The following SV2C variants were observed in gnomAD, a reference collection of about 807,000 sequenced individuals.
SV2C encodes synaptic vesicle glycoprotein 2C, also known as solute carrier family 22 member B3.
SV2C carries 49 observed loss-of-function variants against 79.7 expected under a neutral mutation model. That is an observed-to-expected ratio of 0.61 (90% CI 0.49 to 0.78). SV2C has a LOEUF of 0.78. SV2C is among the 30% of genes least tolerant of loss of function. The probability of loss-of-function intolerance (pLI) is 0.00; values close to 1 mark genes in which losing one functional copy is unlikely to be tolerated. For missense variants in SV2C, 833 were observed against 912.9 expected (o/e 0.91, Z 1.13); for synonymous variants, 334 against 333.2 (o/e 1.00, Z -0.03).
chr5:76,276,239 A>G (rs930703887), intron 4 of SV2C, among the ~76,000 whole-genome samples: 2 of 152,300 alleles, frequency 1.3e-5, no homozygotes, highest in African/African-American at 4.8e-5. Context: ...TCTTATATCT[A>G]TGTTTAACCC....
intron 4 of SV2C, among the ~76,000 whole-genome samples, chr5:76,248,535 A>C (rs1395093764): frequency 6.6e-6 from 1 of 152,164 alleles, no homozygotes; most frequent in Non-Finnish European, 1.5e-5. Context: ...TTAGGGCTTC[A>C]ATATATAAAT....
chr5:76,011,618 TG>T, the SV2C span, among the ~76,000 whole-genome samples: 16 of 152,290 alleles, frequency 1.1e-4, no homozygotes, highest in South Asian at 1.4e-3. Flanking sequence ...TTTTTATTTA[TG>T]TTTTTTTAAT....
chr5:75,925,108 C>T, the SV2C span, among the ~76,000 whole-genome samples: 31,765 of 151,998 alleles, frequency 0.21, 3,363 homozygotes, highest in East Asian at 0.24. Flanking sequence ...TACCTCTTTC[C>T]TATGTTATAT....
At chr5:76,110,327 G>A (rs1341469693) in intron 1 of SV2C, among the ~76,000 whole-genome samples, 5 of 152,200 alleles carry the variant, frequency 3.3e-5, no homozygotes, top group Non-Finnish European at 7.3e-5. Context: ...TCGTTGGGAA[G>A]TGGATGGCTT....
At chr5:76,087,709 G>C (rs1393402959) in intron 1 of SV2C, among the ~76,000 whole-genome samples, 7 of 152,154 alleles carry the variant, frequency 4.6e-5, no homozygotes, top group Admixed American at 1.3e-4. Context: ...ATTTGAACTA[G>C]TACTAGATAG....
the SV2C span, chr5:75,921,472 C>G: frequency 1.1e-5 from 9 of 795,218 alleles, no homozygotes; most frequent in Non-Finnish European, 2.1e-5. Context: ...ATAAGGCAGT[C>G]GGTCTCTGGG....
intron 12 of SV2C, among the ~76,000 whole-genome samples, chr5:76,307,158 T>A (rs1299274188): frequency 6.6e-6 from 1 of 152,232 alleles, no homozygotes; most frequent in Non-Finnish European, 1.5e-5. Flanking sequence ...TTTATGAGGT[T>A]TTCAGCCATT....
At position 76,131,638 on chromosome 5, in the gene SV2C, C is replaced by T. The variant is rs975068570; in HGVS notation, c.-101-12C>T. The T allele has an allele frequency of 5.5e-6, 4 of 732,626 alleles. No homozygotes were observed. The highest frequency in any genetic ancestry group is 1.8e-5 in the African/African-American group (1 of 56,404). 45.4% of individuals were successfully genotyped at this position (732,626 alleles called of 1,614,324 possible). A position where few individuals can be genotyped will look rare whatever the true frequency, so the allele number is the denominator to read the frequency against. ...GGAATAATAAGTATCTCCTCTATTT[C>T]TTCTTTCGCAGTTCTGTTTTGAACC... On this transcript the variant is annotated splice_polypyrimidine_tract_variant and intron_variant, in intron 1 of 12. Coordinates refer to ENST00000502798, the MANE Select transcript of SV2C (RefSeq NM_014979.4).
intron 12 of SV2C, chr5:76,311,374 A>G (rs532224974): frequency 6.6e-6 from 1 of 152,404 alleles, no homozygotes; most frequent in Admixed American, 6.5e-5. Flanking sequence ...GAAGCCAGGA[A>G]TACTTGTACT....
At chr5:75,901,503 G>A in the SV2C span, among the ~76,000 whole-genome samples, 15 of 152,218 alleles carry the variant, frequency 9.9e-5, no homozygotes, top group South Asian at 2.1e-4. Flanking sequence ...CTACTGGGGG[G>A]TGCCTCCCCA....
chr5:75,983,132 T>A, the SV2C span, among the ~76,000 whole-genome samples: 1 of 152,036 alleles, frequency 6.6e-6, no homozygotes, highest in Non-Finnish European at 1.5e-5. Context: ...AAACACAACA[T>A]AATAATCTGT....
At chr5:76,184,032 G>C (rs1743831495) in intron 2 of SV2C, among the ~76,000 whole-genome samples, 1 of 152,112 alleles carries the variant, frequency 6.6e-6, no homozygotes, top group African/African-American at 2.4e-5. Context: ...CAAAGCCCCG[G>C]CTTCATATTA....
intron 12 of SV2C, among the ~76,000 whole-genome samples, chr5:76,322,019 A>C (rs892036275): frequency 2.0e-5 from 3 of 152,120 alleles, no homozygotes; most frequent in African/African-American, 7.2e-5. Flanking sequence ...TGCTACCAAA[A>C]ATAATTGGCA....
intron 1 of SV2C, among the ~76,000 whole-genome samples, chr5:76,104,236 A>G (rs1049164630): frequency 1.3e-5 from 2 of 152,224 alleles, no homozygotes; most frequent in African/African-American, 2.4e-5. Flanking sequence ...GGCCCACGGG[A>G]AGGGAGCTGG....
At chr5:75,960,470 AG>A in the SV2C span, among the ~76,000 whole-genome samples, 2 of 152,028 alleles carry the variant, frequency 1.3e-5, no homozygotes, top group Non-Finnish European at 2.9e-5. Context: ...TTCTATGTTT[AG>A]ATACACAAAT....
At chr5:76,113,219 C>T (rs1748150083) in intron 1 of SV2C, among the ~76,000 whole-genome samples, 1 of 152,242 alleles carries the variant, frequency 6.6e-6, no homozygotes, top group Admixed American at 6.5e-5. Context: ...GCTTCGACCT[C>T]ACTCCATAAT....
At chr5:75,992,742 T>C in the SV2C span, among the ~76,000 whole-genome samples, 3 of 138,340 alleles carry the variant, frequency 2.2e-5, no homozygotes, top group African/African-American at 5.4e-5. Flanking sequence ...AAGATGAAAG[T>C]GCAGAAAATA....
At chr5:76,081,758 T>C (rs1326830059), upstream of SV2C, among the ~76,000 whole-genome samples, 2 of 152,050 alleles carry the variant, frequency 1.3e-5, no homozygotes, top group African/African-American at 4.8e-5. Context: ...GGAGGGAAAA[T>C]GAGAGGCCAA....
chr5:76,346,977 G>C (rs1252581085), intron 12 of SV2C, among the ~76,000 whole-genome samples: 2 of 152,174 alleles, frequency 1.3e-5, no homozygotes, highest in Non-Finnish European at 2.9e-5. Flanking sequence ...CCCAGAAACA[G>C]ACTCTAAGAG....
Sources: allele counts gnomAD v4.1 joint callset (sites outside exome capture counted in the v4.1 genomes callset), GRCh38; gene constraint gnomAD v4.1.1; transcripts MANE v1.5; gene names NCBI Gene and HGNC (gene_info 2026-07-23, HGNC 2026-07-21).